MAF: variants seen among roughly 807,000 people sequenced by gnomAD.
MAF encodes transcription factor Maf.
Under a neutral mutation model 22.0 loss-of-function variants are expected in MAF, and 10 were observed. The observed-to-expected ratio is 0.45, with a 90% CI of 0.28 to 0.77. The LOEUF (loss-of-function observed/expected upper bound fraction) is 0.77, where lower values mean the gene tolerates loss of function less well. MAF is among the 30% of genes least tolerant of loss of function. The pLI is 0.12. For synonymous variants in MAF, 337 were observed against 255.8 expected, an observed-to-expected ratio of 1.32 and a Z score of -3.03; for missense variants, 544 against 548.4, an observed-to-expected ratio of 0.99 and a Z score of 0.08.
chr16:79,571,767 A>G, the MAF span, among the ~76,000 whole-genome samples: 1 of 152,008 alleles, frequency 6.6e-6, no homozygotes, highest in Admixed American at 6.5e-5. Context: ...TCAAATCTAG[A>G]TTCACGAAGG....
At chr16:79,303,502 T>G in the MAF span, among the ~76,000 whole-genome samples, 1 of 152,200 alleles carries the variant, frequency 6.6e-6, no homozygotes, top group African/African-American at 2.4e-5. Context: ...CTCTCTTGCC[T>G]TTGACCTTAG....
chr16:79,421,556 A>G, the MAF span, among the ~76,000 whole-genome samples: 7 of 152,294 alleles, frequency 4.6e-5, no homozygotes, highest in Non-Finnish European at 1.0e-4. Context: ...ATCGGAAGAC[A>G]GAAACCTCGG....
chr16:79,575,910 G>A, the MAF span, among the ~76,000 whole-genome samples: 17 of 152,100 alleles, frequency 1.1e-4, no homozygotes, highest in African/African-American at 4.1e-4. Context: ...AAATGTCTGG[G>A]TCAATTTAAT....
At chr16:79,546,344 A>G in the MAF span, among the ~76,000 whole-genome samples, 1 of 152,066 alleles carries the variant, frequency 6.6e-6, no homozygotes, top group African/African-American at 2.4e-5. Flanking sequence ...TCCTGAAACT[A>G]GTTTTAGGGA....
At chr16:79,581,358 T>C (rs933120715), downstream of MAF, among the ~76,000 whole-genome samples, 7 of 152,098 alleles carry the variant, frequency 4.6e-5, no homozygotes, top group Non-Finnish European at 1.0e-4. Context: ...TTTAATTAAC[T>C]ACCACCGGCA....
At chr16:79,211,357 C>A in the MAF span, among the ~76,000 whole-genome samples, 1 of 152,126 alleles carries the variant, frequency 6.6e-6, no homozygotes, top group Non-Finnish European at 1.5e-5. Flanking sequence ...ATTTTCCAAG[C>A]CTGTCCCTGT....
the MAF span, among the ~76,000 whole-genome samples, chr16:79,332,001 T>C: frequency 1.1e-4 from 16 of 152,364 alleles, no homozygotes; most frequent in African/African-American, 3.8e-4. Context: ...AGTTAATTTG[T>C]TCATTACCTG....
the MAF span, among the ~76,000 whole-genome samples, chr16:79,320,309 C>G: frequency 6.6e-6 from 1 of 152,326 alleles, no homozygotes; most frequent in Admixed American, 6.5e-5. Flanking sequence ...TGCTCCCATT[C>G]TGCTAAAACA....
Position 79,585,895 on chromosome 16 carries a change from C to A in MAF, c.*13G>T, listed in dbSNP as rs958411191. 16 of 680,148 alleles carry A rather than the reference C, an allele frequency of 2.4e-5. No homozygotes were observed. In the Admixed American group the frequency reaches 3.7e-4, roughly 16 times the overall value. 42.1% of individuals were successfully genotyped at this position (680,148 alleles called of 1,614,324 possible). ...CAAGATGTACCTCTTTGACTTCAGGCAACTGGATTTTTTCACATCACTGAT... is the reference window on the plus strand; with the variant it reads ...CAAGATGTACCTCTTTGACTTCAGGAAACTGGATTTTTTCACATCACTGAT... On this transcript the variant is annotated 3_prime_UTR_variant, in exon 2 of 2. Transcript: ENST00000569649.
the MAF span, among the ~76,000 whole-genome samples, chr16:79,386,075 G>C: frequency 1.3e-5 from 2 of 152,168 alleles, no homozygotes; most frequent in Non-Finnish European, 2.9e-5. Flanking sequence ...TAGATAAATA[G>C]GTGTATAATC....
chr16:79,373,359 CTTTTTTTTTTTTTTTTTTTTTTTT>C, the MAF span, among the ~76,000 whole-genome samples: 25 of 33,326 alleles, frequency 7.5e-4, 1 homozygote, highest in East Asian at 3.5e-3. Context: ...GGACTGGTAG[CTTTTTTTTTTTTTTTTTTTTTTTT>C]TTTTTTTTTT....
chr16:79,593,552 C>G (rs1399443999), downstream of MAF, among the ~76,000 whole-genome samples: 1 of 152,194 alleles, frequency 6.6e-6, no homozygotes, highest in East Asian at 1.9e-4. Flanking sequence ...CAGTAATAAA[C>G]AGCATTTCCC....
chr16:79,401,054 G>A, the MAF span, among the ~76,000 whole-genome samples: 11 of 152,288 alleles, frequency 7.2e-5, no homozygotes, highest in East Asian at 2.1e-3. Context: ...ACTTCACCAG[G>A]AAGTGGTGAG....
At chr16:79,258,583 C>A in the MAF span, among the ~76,000 whole-genome samples, 1 of 152,222 alleles carries the variant, frequency 6.6e-6, no homozygotes, top group South Asian at 2.1e-4. Flanking sequence ...TTTGTGGGCA[C>A]TCAAGCCATT....
At chr16:79,393,505 C>A in the MAF span, among the ~76,000 whole-genome samples, 6 of 152,356 alleles carry the variant, frequency 3.9e-5, no homozygotes, top group South Asian at 8.3e-4. Flanking sequence ...GGAGCTTTGT[C>A]CTCTGTCCTT....
the MAF span, among the ~76,000 whole-genome samples, chr16:79,465,571 GC>G: frequency 1.3e-5 from 2 of 152,134 alleles, no homozygotes; most frequent in African/African-American, 4.8e-5. Flanking sequence ...CCACACTCCA[GC>G]CCGGGTGACA....
the MAF span, among the ~76,000 whole-genome samples, chr16:79,407,781 G>A: frequency 1.3e-5 from 2 of 152,148 alleles, no homozygotes; most frequent in Admixed American, 1.3e-4. Flanking sequence ...TTTAAACAGA[G>A]ATCCAGTCGA....
intron 1 of MAF, among the ~76,000 whole-genome samples, chr16:79,586,560 G>C (rs1912854723): frequency 1.3e-5 from 2 of 152,216 alleles, no homozygotes; most frequent in African/African-American, 2.4e-5. Context: ...GCTTAGAACG[G>C]TGATATGAAA....
At chr16:79,564,361 G>A in the MAF span, among the ~76,000 whole-genome samples, 1 of 152,174 alleles carries the variant, frequency 6.6e-6, no homozygotes, top group Admixed American at 6.5e-5. Flanking sequence ...AAGAATTATG[G>A]GGAAGAAAAG....
Sources: gnomAD v4.1 joint callset for allele counts (sites outside exome capture counted in the v4.1 genomes callset) on GRCh38, gnomAD v4.1.1 for gene constraint, MANE v1.5 for transcripts, NCBI Gene and HGNC (gene_info 2026-07-23, HGNC 2026-07-21) for gene names.